IL6ST: variants seen among roughly 807,000 people sequenced by gnomAD.
The protein encoded by IL6ST is interleukin 6 cytokine family signal transducer, also known as interleukin-6 receptor subunit beta.
Under a neutral mutation model 91.3 loss-of-function variants are expected in IL6ST, and 24 were observed. That is an observed-to-expected ratio of 0.26 (90% CI 0.19 to 0.37). IL6ST has a LOEUF of 0.37. IL6ST is among the 10% of genes least tolerant of loss of function. The probability of loss-of-function intolerance (pLI) is 1.00; values close to 1 mark genes in which losing one functional copy is unlikely to be tolerated. For missense variants in IL6ST, 914 were observed against 1,078.5 expected (o/e 0.85, Z 2.14); for synonymous variants, 351 against 373.6 (o/e 0.94, Z 0.70).
At position 55,941,436 on chromosome 5, in the gene IL6ST, A is replaced by G. The variant is rs762105158; in HGVS notation, c.2403T>C (p.His801=). 6.8e-6 allele frequency: 11 copies of G among 1,614,074 alleles called. No homozygotes were observed. In the African/African-American group the frequency reaches 1.2e-4, roughly 18 times the overall value. The stretch of plus-strand genomic sequence containing the variant: ...GCAAAATACCATCACCGCCATCTAC[A>G]TGATCTACTAATTGTAGATCTTCTG... ...ERPEDLQLVD[H]VDGGDGILPR... Residue 801 remains histidine (H), a synonymous_variant, in exon 17 of 17, where the codon CAT becomes CAC. Transcript: ENST00000381298.
intron 4 of IL6ST, among the ~76,000 whole-genome samples, chr5:55,968,933 C>T (rs1472638295): frequency 6.6e-6 from 1 of 152,186 alleles, no homozygotes; most frequent in Non-Finnish European, 1.5e-5. Flanking sequence ...GTGGCTCACG[C>T]CTGTAATCCC....
In IL6ST at chr5:55,964,224, T is replaced by C. The variant is rs752916187; in HGVS notation, c.580A>G (p.Ile194Val). ...VDYSTVYFVN[I>V]EVWVEAENAL... ...TTCTCTGCTTCTACCCAGACTTCAATGTTGACAAAATACACAGTAGAATAA... is the reference window on the plus strand; with the variant it reads ...TTCTCTGCTTCTACCCAGACTTCAACGTTGACAAAATACACAGTAGAATAA... The change falls in exon 6 of 17, where the codon ATT (isoleucine) becomes GTT (valine). Residue 194 changes from isoleucine (I) to valine (V), a missense_variant. By Grantham distance (29) the Ile-to-Val change is conservative (BLOSUM62 3). Coordinates refer to ENST00000381298, the MANE Select transcript of IL6ST (RefSeq NM_002184.4). 6.2e-7 allele frequency: 1 copy of C among 1,611,180 alleles called. No homozygotes were observed.
At position 55,947,592 on chromosome 5, in the gene IL6ST, TAAAAAAAAAAAA is replaced by T. The variant is rs71602925; in HGVS notation, c.1841-15_1841-4del. ...TATGGCTTCAATTTCTCCTTGAGCT[TAAAAAAAAAAAA>T]AAAAAAAAAAAAAGAGGTGTGATGG... On this transcript the variant is annotated splice_polypyrimidine_tract_variant and splice_region_variant and intron_variant, in intron 14 of 16. Transcript: ENST00000381298. 17 of 392,206 alleles carry T rather than the reference TAAAAAAAAAAAA, an allele frequency of 4.3e-5. No homozygotes were observed. Among genetic ancestry groups the T allele is most frequent in the Middle Eastern group, 8.1e-4 (1 of 1,242 alleles). The allele number at this position is 392,206 out of a possible 1,614,324, so 24.3% of individuals were successfully genotyped here. A position where few individuals can be genotyped will look rare whatever the true frequency, so the allele number is the denominator to read the frequency against.
intron 14 of IL6ST, among the ~76,000 whole-genome samples, chr5:55,948,558 G>C (rs1057008676): frequency 5.3e-5 from 8 of 151,788 alleles, no homozygotes; most frequent in African/African-American, 1.2e-4. Flanking sequence ...ATATATGGGT[G>C]TATGTATATA....
At chr5:55,966,346 G>A (rs1472162370) in intron 5 of IL6ST, among the ~76,000 whole-genome samples, 1 of 152,164 alleles carries the variant, frequency 6.6e-6, no homozygotes, top group African/African-American at 2.4e-5. Context: ...AGTTGCTCAT[G>A]GGGTGGGGCA....
intron 15 of IL6ST, 97 bp from the exon 16 acceptor site, chr5:55,942,848 C>A: frequency 1.6e-6 from 1 of 640,668 alleles, no homozygotes; most frequent in South Asian, 2.0e-5. Flanking sequence ...TCTTACAAAC[C>A]AAACCAATTA....
rs373450860 is a variant in IL6ST at position 55,964,329 on chromosome 5, G to A, written c.492-17C>T. On this transcript the variant is annotated splice_polypyrimidine_tract_variant and intron_variant, in intron 5 of 16. Transcript: ENST00000381298. ...TGTGTTGCCCTAAATACAAAAAATT[G>A]AAGAATCAGTCATTAAAAACACATC... 1.9e-6 allele frequency: 3 copies of A among 1,580,754 alleles called. No homozygotes were observed. The African/African-American group carries it at 4.1e-5, about 22-fold the overall frequency.
chr5:55,983,910 TAA>T lies in IL6ST; in HGVS notation c.-103-1101_-103-1100del. 1.3e-5 allele frequency among the ~76,000 whole-genome samples: 2 copies of T among 152,198 alleles called. 1 individual carries two copies. Among genetic ancestry groups the T allele is most frequent in the South Asian group, 4.1e-4 (2 of 4,838 alleles). ...CTACATAGTGGACATCTTCATAAGT[TAA>T]TATATAGAGAGTAATTCCTTGTAGC... On this transcript the variant is annotated intron_variant, in intron 1 of 16. Coordinates refer to ENST00000381298, the MANE Select transcript of IL6ST (RefSeq NM_002184.4).
intron 3 of IL6ST, among the ~76,000 whole-genome samples, chr5:55,970,146 A>G (rs1204902985): frequency 6.6e-6 from 1 of 152,184 alleles, no homozygotes; most frequent in Non-Finnish European, 1.5e-5. Flanking sequence ...TGCCTGCAGC[A>G]TGATTCATAC....
At chr5:55,954,649 G>A (rs376909338) in intron 11 of IL6ST, among the ~76,000 whole-genome samples, 161 bp downstream of exon 11, 2 of 152,202 alleles carry the variant, frequency 1.3e-5, no homozygotes, top group African/African-American at 2.4e-5. Context: ...GTAATTCAGA[G>A]AGGTTAAGTA....
At chr5:55,943,833 G>C (rs1055171678) in intron 15 of IL6ST, among the ~76,000 whole-genome samples, 1 of 152,168 alleles carries the variant, frequency 6.6e-6, no homozygotes, top group African/African-American at 2.4e-5. Flanking sequence ...ACTTTGGGAG[G>C]CTGAGGTGGG....
At position 55,960,402 on chromosome 5, in the gene IL6ST, T is replaced by G. The variant is rs764685344; in HGVS notation, c.973A>C (p.Arg325=). 1 of 1,611,154 alleles carries G rather than the reference T, an allele frequency of 6.2e-7. No homozygotes were observed. The change falls in exon 8 of 17, where the codon AGA becomes CGA. Residue 325 remains arginine (R), a splice_region_variant and synonymous_variant. Coordinates refer to ENST00000381298, the MANE Select transcript of IL6ST (RefSeq NM_002184.4). ...CTTCTTCATATACTTATGTACTTAC[T>G]ATCTTCATAGGTGATCCCACTTGCT... The part of the protein sequence containing the change: ...EEASGITYED[R]PSKAPSFWYK...
chr5:55,992,676 C>T (rs534511606), intron 1 of IL6ST, among the ~76,000 whole-genome samples: 4 of 152,290 alleles, frequency 2.6e-5, no homozygotes, highest in Admixed American at 6.5e-5. Flanking sequence ...ACATTTTGTC[C>T]TCCATTCGCT....
chr5:55,955,942 C>T (rs1751928901), intron 10 of IL6ST, 83 bp downstream of exon 10: 1 of 807,802 alleles, frequency 1.2e-6, no homozygotes, highest in Non-Finnish European at 2.2e-6. Context: ...TCTTAGATAA[C>T]TTGTGTTTTT....
At chr5:55,942,156 A>G (rs1489066376) in intron 16 of IL6ST, among the ~76,000 whole-genome samples, 1 of 152,254 alleles carries the variant, frequency 6.6e-6, no homozygotes, top group East Asian at 1.9e-4. Flanking sequence ...ATAAAAATAC[A>G]TAATACATTT....
chr5:55,974,856 G>A (rs1753180282), intron 3 of IL6ST, among the ~76,000 whole-genome samples: 1 of 151,832 alleles, frequency 6.6e-6, no homozygotes, highest in Non-Finnish European at 1.5e-5. Flanking sequence ...CCATTTCATA[G>A]ATCAGGAAAT....
At chr5:55,958,176 G>A (rs1752098499) in intron 8 of IL6ST, among the ~76,000 whole-genome samples, 1 of 152,094 alleles carries the variant, frequency 6.6e-6, no homozygotes, top group Non-Finnish European at 1.5e-5. Context: ...GATGACTATA[G>A]TGCACTATAA....
intron 3 of IL6ST, among the ~76,000 whole-genome samples, chr5:55,970,746 A>G (rs538258650): frequency 2.0e-5 from 3 of 152,200 alleles, no homozygotes; most frequent in African/African-American, 7.2e-5. Context: ...GTCTCTACTA[A>G]AAATACAAAA....
chr5:55,991,083 G>A (rs961090375), intron 1 of IL6ST, among the ~76,000 whole-genome samples: 3 of 152,020 alleles, frequency 2.0e-5, no homozygotes, highest in Non-Finnish European at 2.9e-5. Flanking sequence ...CCTTTTTTAC[G>A]GCTGCATAGT....
Sources: allele counts gnomAD v4.1 joint callset (sites outside exome capture counted in the v4.1 genomes callset), GRCh38; gene constraint gnomAD v4.1.1; transcripts MANE v1.5; gene names NCBI Gene and HGNC (gene_info 2026-07-23, HGNC 2026-07-21).